TFEB: variants seen among roughly 807,000 people sequenced by gnomAD.
The protein encoded by TFEB is transcription factor EB, also known as T-cell transcription factor EB.
A neutral mutation model predicts 48.0 loss-of-function variants in TFEB; 12 were observed. The observed-to-expected ratio is 0.25, with a 90% CI of 0.16 to 0.40. The LOEUF is 0.40. TFEB is among the 10% of genes least tolerant of loss of function. The pLI is 1.00. For synonymous variants in TFEB, 244 were observed against 261.4 expected, an observed-to-expected ratio of 0.93 and a Z score of 0.64; for missense variants, 509 against 640.3, an observed-to-expected ratio of 0.79 and a Z score of 2.21.
intron 1 of TFEB, among the ~76,000 whole-genome samples, chr6:41,702,071 T>C (rs1177022146): frequency 6.6e-6 from 1 of 151,552 alleles, no homozygotes; most frequent in Non-Finnish European, 1.5e-5. Context: ...CCAGGAGAGG[T>C]AACCTGGGGC....
intron 6 of TFEB, 87 bp from the exon 7 acceptor site, chr6:41,687,256 G>A (rs1769059788): frequency 3.2e-6 from 4 of 1,244,528 alleles, no homozygotes; most frequent in Non-Finnish European, 4.7e-6. Context: ...AGGGAGGGGT[G>A]CTTCAGGGCA....
At chr6:41,694,269 C>A (rs1270259882) in intron 1 of TFEB, among the ~76,000 whole-genome samples, 1 of 152,164 alleles carries the variant, frequency 6.6e-6, no homozygotes, top group Non-Finnish European at 1.5e-5. Flanking sequence ...TGCCCCACCG[C>A]CCCCTGCCAG....
At chr6:41,697,318 G>C (rs9688552) in intron 1 of TFEB, among the ~76,000 whole-genome samples, 2,008 of 145,568 alleles carry the variant, frequency 0.014, 41 homozygotes, top group African/African-American at 0.047. Context: ...TGAGGCAGGA[G>C]AATTGCTTGA....
chr6:41,714,630 A>AC (rs771349678), intron 1 of TFEB, among the ~76,000 whole-genome samples: 7 of 151,800 alleles, frequency 4.6e-5, no homozygotes, highest in Non-Finnish European at 1.0e-4. Context: ...TGCCCATATC[A>AC]CCCCTCCCTC....
chr6:41,714,749 G>A (rs1378902794), intron 1 of TFEB, among the ~76,000 whole-genome samples: 5 of 152,108 alleles, frequency 3.3e-5, no homozygotes, highest in East Asian at 1.9e-4. Flanking sequence ...GTGGCGGCCC[G>A]GCCCCAGAGA....
chr6:41,686,400 C>A, intron 7 of TFEB, 163 bp from the exon 8 acceptor site: 1 of 773,702 alleles, frequency 1.3e-6, no homozygotes, highest in Non-Finnish European at 2.0e-6. Context: ...AGAATGGGCC[C>A]TCCTGGTGAC....
chr6:41,728,398 G>A (rs979508415), intron 1 of TFEB, among the ~76,000 whole-genome samples: 2 of 152,118 alleles, frequency 1.3e-5, no homozygotes, highest in African/African-American at 2.4e-5. Flanking sequence ...CCAGCTCTAC[G>A]GTTCCAATTA....
At chr6:41,717,332 G>A (rs148493694) in intron 1 of TFEB, among the ~76,000 whole-genome samples, 1 of 152,190 alleles carries the variant, frequency 6.6e-6, no homozygotes, top group East Asian at 1.9e-4. Flanking sequence ...CCACAGCCAG[G>A]GCCTCCTTTT....
At chr6:41,729,702 G>A (rs779944776) in intron 1 of TFEB, among the ~76,000 whole-genome samples, 8 of 152,326 alleles carry the variant, frequency 5.3e-5, no homozygotes, top group Admixed American at 6.5e-5. Flanking sequence ...CTGCAAGGCC[G>A]AACAGTGGAT....
intron 3 of TFEB, 90 bp downstream of exon 3, chr6:41,690,573 T>G (rs1025297781): frequency 1.0e-5 from 14 of 1,394,820 alleles, no homozygotes; most frequent in African/African-American, 1.4e-5. Context: ...AAGGCACCCC[T>G]GCCTCTGCCA....
chr6:41,694,468 C>A (rs900415844), intron 1 of TFEB, among the ~76,000 whole-genome samples: 3 of 152,150 alleles, frequency 2.0e-5, no homozygotes, highest in African/African-American at 7.2e-5. Flanking sequence ...CTCCAGCCCT[C>A]TCCCCTGGCC....
intron 1 of TFEB, among the ~76,000 whole-genome samples, chr6:41,721,643 G>T (rs114293377): frequency 8.7e-4 from 132 of 152,228 alleles, no homozygotes; most frequent in African/African-American, 2.8e-3. Flanking sequence ...GCCTAATAAT[G>T]GCATCCATCT....
intron 1 of TFEB, among the ~76,000 whole-genome samples, chr6:41,703,121 C>G (rs1770022340): frequency 6.6e-6 from 1 of 152,246 alleles, no homozygotes. Context: ...CTTTGCTTTT[C>G]CATCTCCTCA....
chr6:41,697,408 C>CAAAAAAAAAAAAAA (rs56059829), intron 1 of TFEB, among the ~76,000 whole-genome samples: 892 of 63,238 alleles, frequency 0.014, 46 homozygotes, highest in East Asian at 0.025. Context: ...AACTCCATCT[C>CAAAAAAAAAAAAAA]AAAAAAAAAA....
At chr6:41,686,946 G>A (rs749994678) in intron 7 of TFEB, 148 bp downstream of exon 7, 11 of 705,110 alleles carry the variant, frequency 1.6e-5, no homozygotes, top group Non-Finnish European at 2.5e-5. Flanking sequence ...CCTGATTTGG[G>A]AGAGGGAGAG....
chr6:41,703,084 A>G (rs1770019874), intron 1 of TFEB, among the ~76,000 whole-genome samples: 1 of 152,216 alleles, frequency 6.6e-6, no homozygotes, highest in Non-Finnish European at 1.5e-5. Flanking sequence ...CTCCCTCTCC[A>G]GAGCCATGGC....
chr6:41,685,674 C>T (rs1768962280), intron 8 of TFEB, among the ~76,000 whole-genome samples: 1 of 152,186 alleles, frequency 6.6e-6, no homozygotes, highest in African/African-American at 2.4e-5. Context: ...CAAATGATTC[C>T]AGCTCTCTAC....
rs1581945458 is a variant in TFEB, at chr6:41,734,480, A to G, written c.-23+870T>C. 1.5e-6 allele frequency: 1 copy of G among 671,226 alleles called. No homozygotes were observed. The highest frequency in any genetic ancestry group is 2.3e-5 in the African/African-American group (1 of 44,380). The allele number at this position is 671,226 out of a possible 1,614,324, so 41.6% of individuals were successfully genotyped here. A position where few individuals can be genotyped will look rare whatever the true frequency, so the allele number is the denominator to read the frequency against. On this transcript the variant is annotated intron_variant, in intron 1 of 8. Transcript: ENST00000373033. This position sits in a 1 kb window ranked among gnomAD's most constrained non-coding sequence, Gnocchi z 4.0. ...GAGGCGAGCGGACGCGCTGGGCCAG[A>G]GCTGGTCGGGACAGCCCAGGGGTGG... is the stretch of plus-strand genomic sequence containing the variant.
chr6:41,699,802 G>A lies in TFEB; in HGVS notation c.-22-8567C>T, dbSNP rs182007039. Among the ~76,000 whole-genome samples the A allele has an allele frequency of 2.6e-5, 4 of 152,308 alleles. No individual in the cohort carries two copies. In the East Asian group the frequency reaches 7.7e-4, roughly 29 times the overall value. On this transcript the variant is annotated intron_variant, in intron 1 of 8. Coordinates refer to ENST00000373033, the MANE Select transcript of TFEB (RefSeq NM_001271944.2). ...TCCTTGATATCAGAAGCAGAAATGA[G>A]GTCAATGGGACACGCACATGCTTTT...
Sources: gnomAD v4.1 joint callset for allele counts (sites outside exome capture counted in the v4.1 genomes callset) on GRCh38, gnomAD v4.1.1 for gene constraint, Gnocchi (gnomAD v3.1) non-coding constraint, MANE v1.5 for transcripts, NCBI Gene and HGNC (gene_info 2026-07-23, HGNC 2026-07-21) for gene names.